Variants in BSN observed in about 807,000 individuals in gnomAD.
BSN encodes the protein bassoon presynaptic cytomatrix protein.
BSN carries 57 observed loss-of-function variants against 264.8 expected under a neutral mutation model. That is an observed-to-expected ratio of 0.22 (90% CI 0.17 to 0.27). The LOEUF (loss-of-function observed/expected upper bound fraction) is 0.27, where lower values mean the gene tolerates loss of function less well. Ranked by LOEUF, BSN falls within the 10% of genes least tolerant of loss-of-function variation. The pLI, the probability that BSN is intolerant of heterozygous loss-of-function variation, is 1.00. For synonymous variants in BSN, 2,059 were observed against 2,137.3 expected (o/e 0.96, Z 1.01); for missense variants, 4,615 against 5,232.5 (o/e 0.88, Z 3.64).
At chr3:49,595,433 C>A (rs1214052853) in intron 1 of BSN, among the ~76,000 whole-genome samples, 1 of 152,026 alleles carries the variant, frequency 6.6e-6, no homozygotes, top group East Asian at 1.9e-4. Context: ...AGGTGATCCA[C>A]CCGCCTTGGC....
Position 49,653,927 on chromosome 3 carries a change from T to C in BSN, c.4371T>C (p.Ser1457=). The C allele has an allele frequency of 1.9e-6, 3 of 1,614,092 alleles. No homozygotes were observed. The highest frequency in any genetic ancestry group is 2.5e-6 in the Non-Finnish European group (3 of 1,180,012). ...RAAREKPLSA[S]DGEGGTPQPS... is the part of the protein sequence containing the mutation. ...CTAGAGAGAAGCCCTTGAGTGCGAG[T>C]GACGGTGAGGGTGGCACTCCTCAGC... Residue 1457 remains serine, a synonymous_variant, in exon 5 of 12, where the codon AGT becomes AGC. Coordinates refer to ENST00000296452, the MANE Select transcript of BSN (RefSeq NM_003458.4). The surrounding 1 kb of genome is among the most constrained non-coding windows in gnomAD (Gnocchi z 6.3).
chr3:49,644,003 C>T (rs1479456208), intron 3 of BSN, among the ~76,000 whole-genome samples: 2 of 152,216 alleles, frequency 1.3e-5, no homozygotes, highest in Non-Finnish European at 2.9e-5. Context: ...TTAGACCAGC[C>T]TGGGCCAGGA....
intron 1 of BSN, among the ~76,000 whole-genome samples, chr3:49,595,708 G>GT (rs976432998): frequency 1.3e-5 from 2 of 152,156 alleles, no homozygotes; most frequent in Non-Finnish European, 2.9e-5. Flanking sequence ...TGGAATTATT[G>GT]TAAGTGGTGT....
chr3:49,656,121 G>A lies in BSN; in HGVS notation c.6565G>A (p.Ala2189Thr). ...GCTGCCGTCCACAGCCACTGTACGT[G>A]CAGCTGATGGCATGATCTACTCGAC... is the stretch of plus-strand genomic sequence containing the variant. ...QLLPSTATVRAADGMIYSTIN... is the reference protein window; with the variant it reads ...QLLPSTATVRTADGMIYSTIN... Residue 2189 changes from alanine to threonine, a missense_variant, in exon 5 of 12, where the codon GCA (alanine) becomes ACA (threonine). Ala to Thr is a moderately conservative substitution (Grantham distance 58). Transcript: ENST00000296452. The A allele has an allele frequency of 6.2e-7, 1 of 1,612,876 alleles. No homozygotes were observed. Among genetic ancestry groups the A allele is most frequent in the Non-Finnish European group, 8.5e-7 (1 of 1,179,972 alleles).
chr3:49,580,493 G>A (rs1019012805), intron 1 of BSN, among the ~76,000 whole-genome samples: 5 of 151,816 alleles, frequency 3.3e-5, no homozygotes, highest in Non-Finnish European at 7.4e-5. Flanking sequence ...GTGCAGTGGT[G>A]CGATCATGAC....
At chr3:49,587,447 A>C (rs902020764) in intron 1 of BSN, among the ~76,000 whole-genome samples, 1 of 152,166 alleles carries the variant, frequency 6.6e-6, no homozygotes, top group Non-Finnish European at 1.5e-5. Context: ...TTACTGGTGG[A>C]GGGTCTTGAC....
chr3:49,593,771 A>C (rs1575431783), intron 1 of BSN, among the ~76,000 whole-genome samples: 1 of 131,198 alleles, frequency 7.6e-6, no homozygotes, highest in Non-Finnish European at 1.6e-5. Context: ...TATATTCTAG[A>C]TACTAGTTTT....
chr3:49,655,125 G>T lies in BSN; in HGVS notation c.5569G>T (p.Ala1857Ser), dbSNP rs774519788. ...GCTGCGGTCACATGCTCTGCCAGGT[G>T]CCAGGAAGCCACACACAGTGGTGGT... is the stretch of plus-strand genomic sequence containing the variant. ...AELRSHALPG[A>S]RKPHTVVVQM... The change falls in exon 5 of 12, where the codon GCC (alanine) becomes TCC (serine). Residue 1857 changes from alanine to serine, a missense_variant. Physicochemically the swap from Ala to Ser is moderately conservative, Grantham distance 99. Coordinates refer to ENST00000296452, the MANE Select transcript of BSN (RefSeq NM_003458.4). 1.1e-5 allele frequency: 18 copies of T among 1,612,320 alleles called. No homozygotes were observed. Among genetic ancestry groups the T allele is most frequent in the Non-Finnish European group, 1.5e-5 (18 of 1,179,706 alleles).
At position 49,663,248 on chromosome 3, in the gene BSN, C is replaced by T. The variant is rs140997775; in HGVS notation, c.11090C>T (p.Pro3697Leu). The T allele has an allele frequency of 3.7e-5, 59 of 1,614,036 alleles. No homozygotes were observed. Among genetic ancestry groups the T allele is most frequent in the Non-Finnish European group, 4.5e-5 (53 of 1,180,036 alleles). ...CCAGCTATGCCGAAGAAGGGTCAGC[C>T]TGGGTATCCCAGCTCTGCTGAGTAC... ...SAPAMPKKGQ[P>L]GYPSSAEYSQ... Residue 3697 changes from proline to leucine, a missense_variant, in exon 7 of 12, where the codon CCT (proline) becomes CTT (leucine). This residue lies in a region of BSN where 3,415 missense variants were observed against 3,866.4 expected (regional missense o/e 0.88). Transcript: ENST00000296452.
intron 1 of BSN, among the ~76,000 whole-genome samples, chr3:49,604,905 C>T (rs968600201): frequency 2.6e-5 from 4 of 151,880 alleles, no homozygotes; most frequent in Non-Finnish European, 4.4e-5. Context: ...AGCCTAAGAC[C>T]CTGTCATTTC....
Position 49,662,285 on chromosome 3 carries a change from C to G in BSN, c.10440C>G (p.Gly3480=). 1 of 1,613,892 alleles carries G rather than the reference C, an allele frequency of 6.2e-7. No homozygotes were observed. The highest frequency in any genetic ancestry group is 8.5e-7 in the Non-Finnish European group (1 of 1,179,934). ...CTGTGGAGCGACTTCAAAAAGCGGG[C>G]CCCAAGCCCTCATCCCTAAGTATGG... ...REAVERLQKA[G]PKPSSLSMAH... Residue 3480 remains glycine, a synonymous_variant, in exon 6 of 12, where the codon GGC becomes GGG. Transcript: ENST00000296452.
chr3:49,626,332 G>A (rs2052340820), intron 2 of BSN, among the ~76,000 whole-genome samples: 5 of 152,186 alleles, frequency 3.3e-5, no homozygotes, highest in Admixed American at 3.3e-4. Flanking sequence ...ACAGCAGCTG[G>A]AGCCGTTTGG....
At position 49,655,994 on chromosome 3, in the gene BSN, T is replaced by A. The variant is rs1241840026; in HGVS notation, c.6438T>A (p.Pro2146=). Residue 2146 remains proline, a synonymous_variant, in exon 5 of 12, where the codon CCT becomes CCA. Transcript: ENST00000296452. ...CACAGAGTCTGGTTCCCCTCAGACC[T>A]GGACTCCTTGGTAACCCCACCTTTC... The part of the protein sequence containing the change: ...SAPQSLVPLR[P]GLLGNPTFPE... 1 of 1,605,166 alleles carries A rather than the reference T, an allele frequency of 6.2e-7. No individual in the cohort carries two copies. The highest frequency in any genetic ancestry group is 1.7e-5 in the Admixed American group (1 of 59,898).
chr3:49,664,893 G>C, intron 10 of BSN, 40 bp downstream of exon 10: 7 of 1,531,692 alleles, frequency 4.6e-6, no homozygotes, highest in Non-Finnish European at 6.3e-6. Flanking sequence ...TTCTGGGAAA[G>C]GCCCGAGGCA....
intron 1 of BSN, among the ~76,000 whole-genome samples, chr3:49,565,566 C>T (rs930747393): frequency 2.0e-5 from 3 of 152,136 alleles, no homozygotes; most frequent in Non-Finnish European, 4.4e-5. Context: ...GTGATCCACC[C>T]GCCTCGGCCT....
intron 1 of BSN, among the ~76,000 whole-genome samples, chr3:49,613,312 G>GAGAGAGAGAGAGAGAGAGAGAC (rs1453438396): frequency 7.4e-6 from 1 of 134,514 alleles, no homozygotes; most frequent in Non-Finnish European, 1.6e-5. Flanking sequence ...GCGAGAGAGA[G>GAGAGAGAGAGAGAGAGAGAGAC]AGAGAGAGAG....
chr3:49,595,494 A>ATT (rs985130044), intron 1 of BSN, among the ~76,000 whole-genome samples: 2 of 145,716 alleles, frequency 1.4e-5, no homozygotes, highest in Non-Finnish European at 3.0e-5. Flanking sequence ...CGGCCTCACA[A>ATT]TTTTTTTTTT....
intron 1 of BSN, among the ~76,000 whole-genome samples, chr3:49,568,490 CTG>C (rs2051771730): frequency 6.6e-6 from 1 of 152,138 alleles, no homozygotes; most frequent in Non-Finnish European, 1.5e-5. Flanking sequence ...ATTTTTCCCA[CTG>C]TTTCTTTTTG....
In BSN at chr3:49,554,713, T is replaced by A; in HGVS notation, c.111T>A (p.Pro37=). ...PGPGPGAGKP[P]SAPAGGGQLP... ...CCGGCCCCGGCGCAGGAAAGCCGCC[T>A]TCAGCACCGGCCGGTGGCGGACAGC... The change falls in exon 1 of 12, where the codon CCT becomes CCA. Residue 37 remains proline, a synonymous_variant. Transcript: ENST00000296452. The A allele has an allele frequency of 8.4e-7, 1 of 1,195,420 alleles. No individual in the cohort carries two copies. The allele number at this position is 1,195,420 out of a possible 1,614,324, so 74.1% of individuals were successfully genotyped here.
Sources: gnomAD v4.1 joint callset for allele counts (sites outside exome capture counted in the v4.1 genomes callset) on GRCh38, gnomAD v4.1.1 for gene constraint, gnomAD v4.1.1 regional missense constraint, Gnocchi (gnomAD v3.1) non-coding constraint, MANE v1.5 for transcripts, NCBI Gene and HGNC (gene_info 2026-07-23, HGNC 2026-07-21) for gene names.